The following ANKRD40CL variants were observed in gnomAD, a reference collection of about 807,000 sequenced individuals.
ANKRD40CL encodes ANKRD40 C-terminal like, also known as putative ANKRD40 C-terminal-like protein.
For missense variants in ANKRD40CL, 11 were observed against 6.4 expected (o/e 1.71, Z -0.77); for synonymous variants, 5 against 2.3 (o/e 2.14, Z -1.04).
intron 3 of ANKRD40CL, chr17:50,762,865 TAA>T (rs1368878836): frequency 6.6e-6 from 1 of 151,982 alleles, no homozygotes; most frequent in Non-Finnish European, 1.5e-5. Context: ...AGCACTGAAC[TAA>T]AGCCTTAAAT....
chr17:50,766,186 T>C (rs1971309192), intron 2 of ANKRD40CL, among the ~76,000 whole-genome samples: 1 of 152,112 alleles, frequency 6.6e-6, no homozygotes, highest in South Asian at 2.1e-4. Flanking sequence ...CTCTTTGCCT[T>C]TCAATTCTGG....
chr17:50,762,197 A>G (rs11650185), intron 3 of ANKRD40CL, among the ~76,000 whole-genome samples: 38,582 of 152,102 alleles, frequency 0.25, 5,056 homozygotes, highest in African/African-American at 0.28. Flanking sequence ...CTGGGATTAC[A>G]AGCATGAGAC....
chr17:50,764,008 C>T (rs1325542695), intron 2 of ANKRD40CL: 2 of 395,634 alleles, frequency 5.1e-6, no homozygotes, highest in Non-Finnish European at 8.9e-6. Context: ...CACCCCCACT[C>T]CTCCAGAAAT....
intron 3 of ANKRD40CL, among the ~76,000 whole-genome samples, chr17:50,761,831 C>T (rs1250441533): frequency 5.9e-5 from 9 of 152,144 alleles, no homozygotes; most frequent in Non-Finnish European, 2.9e-5. Flanking sequence ...CCATGTTGGC[C>T]AGGCTGGTCT....
At chr17:50,767,224 A>C in intron 1 of ANKRD40CL, 1 of 578,424 alleles carries the variant, frequency 1.7e-6, no homozygotes, top group Non-Finnish European at 3.3e-6. Flanking sequence ...ACCCGAGGGA[A>C]TGGTGCCCTT....
At chr17:50,761,690 C>T (rs986749508) in intron 3 of ANKRD40CL, among the ~76,000 whole-genome samples, 184 bp from the exon 4 acceptor site, 3 of 151,976 alleles carry the variant, frequency 2.0e-5, no homozygotes, top group African/African-American at 7.3e-5. Context: ...CTGCAACCTC[C>T]GCCTCCCAGG....
At position 50,766,940 on chromosome 17, in the gene ANKRD40CL, C is replaced by T. The variant is rs1468178514; in HGVS notation, c.-27G>A. ...AGTCACCTCTAGTCCGTCAGATGTGCAGCCCCTCTCGCATTTATGCACAAG... is the reference window on the plus strand; with the variant it reads ...AGTCACCTCTAGTCCGTCAGATGTGTAGCCCCTCTCGCATTTATGCACAAG... On this transcript the variant is annotated 5_prime_UTR_variant, in exon 2 of 4. Coordinates refer to ENST00000450727, the MANE Select transcript of ANKRD40CL (RefSeq NM_001358683.3). 1 of 701,580 alleles carries T rather than the reference C, an allele frequency of 1.4e-6. No individual in the cohort carries two copies. The highest frequency in any genetic ancestry group is 2.6e-6 in the Non-Finnish European group (1 of 384,442). 43.5% of individuals were successfully genotyped at this position (701,580 alleles called of 1,614,324 possible). A position where few individuals can be genotyped will look rare whatever the true frequency, so the allele number is the denominator to read the frequency against.
intron 1 of ANKRD40CL, 198 bp from the exon 2 acceptor site, chr17:50,767,209 T>G: frequency 1.5e-5 from 9 of 594,764 alleles, no homozygotes; most frequent in East Asian, 3.6e-5. Context: ...AGGCCGGTAG[T>G]ACTCACCCGA....
At chr17:50,763,764 T>C (rs1448823475) in intron 2 of ANKRD40CL, 5 of 388,870 alleles carry the variant, frequency 1.3e-5, no homozygotes, top group Non-Finnish European at 2.3e-5. Flanking sequence ...AGCTCTGGGA[T>C]GTATGCCCCC....
At chr17:50,761,682 G>A (rs921110894) in intron 3 of ANKRD40CL, among the ~76,000 whole-genome samples, 176 bp from the exon 4 acceptor site, 3 of 152,090 alleles carry the variant, frequency 2.0e-5, no homozygotes, top group African/African-American at 7.2e-5. Context: ...TTGGCTCACT[G>A]CAACCTCCGC....
Position 50,766,936 on chromosome 17 carries a change from T to C in ANKRD40CL, c.-23A>G. ...CATGAGTCACCTCTAGTCCGTCAGA[T>C]GTGCAGCCCCTCTCGCATTTATGCA... is the stretch of plus-strand genomic sequence containing the variant. On this transcript the variant is annotated 5_prime_UTR_variant, in exon 2 of 4. Coordinates refer to ENST00000450727, the MANE Select transcript of ANKRD40CL (RefSeq NM_001358683.3). 1.4e-6 allele frequency: 1 copy of C among 701,166 alleles called. No homozygotes were observed. The highest frequency in any genetic ancestry group is 2.6e-6 in the Non-Finnish European group (1 of 384,148). The allele number at this position is 701,166 out of a possible 1,614,324, so 43.4% of individuals were successfully genotyped here.
intron 3 of ANKRD40CL, among the ~76,000 whole-genome samples, chr17:50,761,773 G>A (rs532611250): frequency 9.2e-5 from 14 of 152,018 alleles, no homozygotes; most frequent in African/African-American, 3.4e-4. Flanking sequence ...TCAGACATGC[G>A]CCATCATGCC....
At chr17:50,767,163 CTCTCT>C (rs1971340067) in intron 1 of ANKRD40CL, 152 bp from the exon 2 acceptor site, 1 of 655,720 alleles carries the variant, frequency 1.5e-6, no homozygotes, top group South Asian at 1.5e-5. Context: ...AGGCTCCAGA[CTCTCT>C]TCTCAGGCTG....
At chr17:50,764,039 C>G (rs12453046) in intron 2 of ANKRD40CL, 2 of 396,566 alleles carry the variant, frequency 5.0e-6, no homozygotes, top group African/African-American at 4.1e-5. Flanking sequence ...TACCATCTTT[C>G]AGGACAGTGG....
chr17:50,763,306 G>A (rs1971236508), intron 3 of ANKRD40CL, 91 bp downstream of exon 3: 2 of 398,744 alleles, frequency 5.0e-6, no homozygotes, highest in South Asian at 2.6e-4. Context: ...AGGATTTCTG[G>A]TGTCATGAAA....
At chr17:50,766,821 C>A (rs1971326742) in intron 2 of ANKRD40CL, 53 bp downstream of exon 2, 1 of 614,920 alleles carries the variant, frequency 1.6e-6, no homozygotes, top group African/African-American at 2.1e-5. Context: ...TTCCCCAGCC[C>A]CCTGTCCCAT....
intron 2 of ANKRD40CL, among the ~76,000 whole-genome samples, chr17:50,765,429 G>T (rs943858064): frequency 6.6e-5 from 10 of 152,174 alleles, no homozygotes; most frequent in African/African-American, 2.4e-4. Flanking sequence ...TTCTGGAAAA[G>T]AGAAAAGCCT....
chr17:50,762,586 C>CA (rs1194015227), intron 3 of ANKRD40CL, among the ~76,000 whole-genome samples: 3 of 151,372 alleles, frequency 2.0e-5, no homozygotes, highest in African/African-American at 7.3e-5. Flanking sequence ...AAACAAAAAA[C>CA]AAAAAAATTG....
At chr17:50,761,725 T>C (rs1971205152) in intron 3 of ANKRD40CL, among the ~76,000 whole-genome samples, 1 of 152,036 alleles carries the variant, frequency 6.6e-6, no homozygotes, top group Non-Finnish European at 1.5e-5. Flanking sequence ...CTGCCTCACT[T>C]GGCTCACTGC....
Sources: allele counts gnomAD v4.1 joint callset (sites outside exome capture counted in the v4.1 genomes callset), GRCh38; gene constraint gnomAD v4.1.1; transcripts MANE v1.5; gene names NCBI Gene and HGNC (gene_info 2026-07-23, HGNC 2026-07-21).